Variants in FHIT observed in about 807,000 individuals in gnomAD.
FHIT encodes the protein fragile histidine triad diadenosine triphosphatase, also known as bis(5'-adenosyl)-triphosphatase.
A neutral mutation model predicts 17.9 loss-of-function variants in FHIT; 19 were observed. The observed-to-expected ratio is 1.06, with a 90% confidence interval of 0.74 to 1.56. FHIT has a LOEUF of 1.56. Among genes scored for constraint, FHIT ranks in the 40% most tolerant of loss-of-function variants. The pLI, the probability that FHIT is intolerant of heterozygous loss-of-function variation, is 0.00. For missense variants in FHIT, 248 were observed against 189.2 expected (o/e 1.31, Z -1.82); for synonymous variants, 81 against 69.7 (o/e 1.16, Z -0.81).
At chr3:60,951,354 C>T (rs781977731) in intron 3 of FHIT, among the ~76,000 whole-genome samples, 38 of 152,172 alleles carry the variant, frequency 2.5e-4, no homozygotes, top group Admixed American at 1.6e-3. Flanking sequence ...AAACTGTTTA[C>T]AGCTATTAGT....
intron 4 of FHIT, among the ~76,000 whole-genome samples, chr3:60,722,739 G>A (rs947902336): frequency 4.7e-4 from 63 of 133,776 alleles, no homozygotes; most frequent in African/African-American, 1.7e-3. Flanking sequence ...TTTAGATGGA[G>A]TCTTGCTCTG....
chr3:59,906,620 C>A (rs138535473), intron 8 of FHIT, among the ~76,000 whole-genome samples: 2 of 152,134 alleles, frequency 1.3e-5, no homozygotes, highest in Admixed American at 1.3e-4. Flanking sequence ...CAATGGCCTG[C>A]GTGATTTTCC....
chr3:60,899,755 A>T (rs1302276365), intron 3 of FHIT, among the ~76,000 whole-genome samples: 2 of 152,178 alleles, frequency 1.3e-5, no homozygotes, highest in African/African-American at 4.8e-5. Flanking sequence ...TGGCTCAGGG[A>T]TACATCTTTG....
In FHIT at chr3:60,283,599, G is replaced by T. The variant is rs188698853; in HGVS notation, c.103+253261C>A. 3.6e-4 allele frequency among the ~76,000 whole-genome samples: 55 copies of T among 152,100 alleles called. 1 individual carries two copies. The highest frequency in any genetic ancestry group is 8.3e-4 in the South Asian group (4 of 4,822). On this transcript the variant is annotated intron_variant, in intron 5 of 9. Transcript: ENST00000492590. ...GATACGGTCTGTAAGAAGCAGCCTA[G>T]ATTTTTTAAAAATGTTTTTCTTCTA...
chr3:60,222,763 T>G (rs1704020120), intron 5 of FHIT, among the ~76,000 whole-genome samples: 1 of 151,536 alleles, frequency 6.6e-6, no homozygotes, highest in Non-Finnish European at 1.5e-5. Context: ...TGCTATGGTG[T>G]GGTGGCACAC....
At chr3:60,005,079 A>G (rs10154851) in intron 7 of FHIT, among the ~76,000 whole-genome samples, 1,714 of 152,268 alleles carry the variant, frequency 0.011, 44 homozygotes, top group African/African-American at 0.039. Context: ...GTCTGGCCCC[A>G]GAGTCCTCCC....
intron 2 of FHIT, among the ~76,000 whole-genome samples, chr3:61,160,541 A>G (rs960189944): frequency 2.6e-5 from 4 of 152,234 alleles, no homozygotes; most frequent in African/African-American, 7.2e-5. Context: ...TTCCCATGCA[A>G]TAAAACACAG....
chr3:60,206,795 G>C (rs1037620722), intron 5 of FHIT, among the ~76,000 whole-genome samples: 2 of 151,524 alleles, frequency 1.3e-5, no homozygotes, highest in African/African-American at 4.8e-5. Flanking sequence ...AATAAAAGAG[G>C]CTGCCCTTTA....
At chr3:60,286,331 C>T (rs142862368) in intron 5 of FHIT, among the ~76,000 whole-genome samples, 63 of 152,152 alleles carry the variant, frequency 4.1e-4, no homozygotes, top group African/African-American at 1.2e-3. Flanking sequence ...AGTCATTAGC[C>T]CTATGTACAT....
intron 4 of FHIT, among the ~76,000 whole-genome samples, chr3:60,790,712 A>C (rs1700747462): frequency 6.6e-6 from 1 of 152,336 alleles, no homozygotes; most frequent in East Asian, 1.9e-4. Flanking sequence ...ACTATTCTGT[A>C]TGATACTACG....
chr3:60,944,103 A>G (rs1340231879), intron 3 of FHIT, among the ~76,000 whole-genome samples: 3 of 152,072 alleles, frequency 2.0e-5, no homozygotes, highest in Admixed American at 2.0e-4. Flanking sequence ...TAACAATCCA[A>G]TGTTTCCTCC....
At chr3:60,618,325 G>A (rs72889633) in intron 4 of FHIT, among the ~76,000 whole-genome samples, 1 of 152,070 alleles carries the variant, frequency 6.6e-6, no homozygotes, top group Admixed American at 6.6e-5. Context: ...GATACAGGCT[G>A]TGCTGCTGTA....
In FHIT at chr3:59,819,054, G is replaced by A. The variant is rs17061231; in HGVS notation, c.349-66733C>T. On this transcript the variant is annotated intron_variant, in intron 8 of 9. Transcript: ENST00000492590. ...TTTAAAATATTGTCTCTGTTGACTT[G>A]AAGTGGTGTAGAAACAGTTCCATAT... 5.4e-3 allele frequency among the ~76,000 whole-genome samples: 818 copies of A among 152,312 alleles called. 4 individuals are homozygous for A. The highest frequency in any genetic ancestry group is 0.019 in the African/African-American group (775 of 41,566).
chr3:59,751,225 GATACA>G, intron 9 of FHIT: 1 of 90,906 alleles, frequency 1.1e-5, no homozygotes, highest in Non-Finnish European at 2.0e-5. Flanking sequence ...CAGAGAGATA[GATACA>G]TTTCTCTCTC....
At chr3:60,971,550 T>C (rs1710013085) in intron 3 of FHIT, among the ~76,000 whole-genome samples, 1 of 151,988 alleles carries the variant, frequency 6.6e-6, no homozygotes, top group African/African-American at 2.4e-5. Flanking sequence ...TTGCTATCTA[T>C]GCATTGGAGA....
chr3:60,863,080 G>A (rs1349524231), intron 3 of FHIT, among the ~76,000 whole-genome samples: 1 of 152,118 alleles, frequency 6.6e-6, no homozygotes, highest in African/African-American at 2.4e-5. Context: ...AGAGGATGCA[G>A]GAGCTATGCT....
At chr3:60,971,128 G>A (rs1709984118) in intron 3 of FHIT, among the ~76,000 whole-genome samples, 1 of 152,122 alleles carries the variant, frequency 6.6e-6, no homozygotes, top group African/African-American at 2.4e-5. Flanking sequence ...AGCACTTTGG[G>A]AGGTCAAGGC....
intron 8 of FHIT, among the ~76,000 whole-genome samples, chr3:59,795,878 C>T (rs1022557644): frequency 1.3e-5 from 2 of 152,156 alleles, no homozygotes; most frequent in Non-Finnish European, 2.9e-5. Flanking sequence ...GCTTATGTAC[C>T]GGTCTCCTTG....
intron 4 of FHIT, among the ~76,000 whole-genome samples, chr3:60,579,170 A>T (rs555650045): frequency 1.3e-5 from 2 of 152,250 alleles, no homozygotes; most frequent in Non-Finnish European, 2.9e-5. Context: ...CATAGCACAA[A>T]CATCATAAGA....
Sources: gnomAD v4.1 joint callset for allele counts (sites outside exome capture counted in the v4.1 genomes callset) on GRCh38, gnomAD v4.1.1 for gene constraint, MANE v1.5 for transcripts, NCBI Gene and HGNC (gene_info 2026-07-23, HGNC 2026-07-21) for gene names.